CCDC91: variants seen among roughly 807,000 people sequenced by gnomAD.
The protein encoded by CCDC91 is coiled-coil domain-containing protein 91.
Under a neutral mutation model 63.2 loss-of-function variants are expected in CCDC91, and 48 were observed. The observed-to-expected ratio is 0.76, with a 90% CI of 0.60 to 0.97. CCDC91 has a LOEUF of 0.97. Ranked by LOEUF, CCDC91 falls within the 50% of genes least tolerant of loss-of-function variation. The pLI is 0.00. For missense variants in CCDC91, 500 were observed against 494.6 expected (o/e 1.01, Z -0.10); for synonymous variants, 167 against 165.8 (o/e 1.01, Z -0.06).
chr12:28,422,183 A>G (rs1356038795), intron 8 of CCDC91, among the ~76,000 whole-genome samples: 2 of 152,150 alleles, frequency 1.3e-5, no homozygotes, highest in African/African-American at 2.4e-5. Flanking sequence ...TGTCTTTAAC[A>G]TAGTATCCAA....
At chr12:28,404,022 A>C (rs546330435) in intron 8 of CCDC91, among the ~76,000 whole-genome samples, 3 of 151,570 alleles carry the variant, frequency 2.0e-5, no homozygotes, top group African/African-American at 7.3e-5. Context: ...AATTTCATTG[A>C]TTTCTGCTTC....
At chr12:28,305,919 C>A in intron 4 of CCDC91, 113 bp downstream of exon 4, 1 of 837,016 alleles carries the variant, frequency 1.2e-6, no homozygotes, top group South Asian at 1.9e-5. Flanking sequence ...AGAAGTATTT[C>A]TGCAATAGAT....
chr12:28,270,199 C>G (rs1461949570), intron 3 of CCDC91, among the ~76,000 whole-genome samples: 1 of 151,812 alleles, frequency 6.6e-6, no homozygotes, highest in Non-Finnish European at 1.5e-5. Flanking sequence ...AGTTAATGGA[C>G]CTTCCCAAGT....
Position 28,362,526 on chromosome 12 carries a change from G to C in CCDC91, c.654+11G>C, listed in dbSNP as rs772079702. 11 of 1,546,494 alleles carry C rather than the reference G, an allele frequency of 7.1e-6. No individual in the cohort carries two copies. In the Admixed American group the frequency reaches 1.2e-4, roughly 17 times the overall value. On this transcript the variant is annotated intron_variant, in intron 7 of 12. Transcript: ENST00000536442. ...GTGGATGAATATAAGGTAGAGGTTT[G>C]AGAGTGTTTACTTTTTTAAACCTTG...
intron 8 of CCDC91, 112 bp downstream of exon 8, chr12:28,391,523 G>A: frequency 1.7e-6 from 1 of 585,098 alleles, no homozygotes; most frequent in Non-Finnish European, 2.9e-6. Context: ...GTATTTTGGA[G>A]AAAAAATGTG....
chr12:28,236,435 G>T (rs1004721360), intron 1 of CCDC91: 3 of 151,340 alleles, frequency 2.0e-5, no homozygotes, highest in African/African-American at 7.3e-5. Context: ...TTAATTTTTT[G>T]GCTTGCATTA....
At chr12:28,445,537 T>A (rs1443376726) in intron 8 of CCDC91, among the ~76,000 whole-genome samples, 1 of 152,158 alleles carries the variant, frequency 6.6e-6, no homozygotes, top group Non-Finnish European at 1.5e-5. Flanking sequence ...CTGTGGGAAA[T>A]ACAAGCACTA....
At chr12:28,317,801 G>T (rs973463951) in intron 6 of CCDC91, among the ~76,000 whole-genome samples, 6 of 151,804 alleles carry the variant, frequency 4.0e-5, no homozygotes, top group Non-Finnish European at 7.4e-5. Context: ...CATATAACTT[G>T]TATTTGTACC....
chr12:28,472,469 T>A (rs372485941), intron 11 of CCDC91, among the ~76,000 whole-genome samples: 2 of 152,164 alleles, frequency 1.3e-5, no homozygotes, highest in East Asian at 3.8e-4. Context: ...ATTAAAAGTA[T>A]AATGGATTAC....
intron 6 of CCDC91, among the ~76,000 whole-genome samples, chr12:28,349,734 C>T (rs892890137): frequency 1.4e-4 from 22 of 152,096 alleles, no homozygotes; most frequent in Non-Finnish European, 4.4e-5. Context: ...AACTTTCACT[C>T]CTTTTCTTGT....
chr12:28,373,581 G>C (rs989577778), intron 7 of CCDC91, among the ~76,000 whole-genome samples: 1 of 151,198 alleles, frequency 6.6e-6, no homozygotes, highest in Non-Finnish European at 1.5e-5. Flanking sequence ...CTTTCTCCTC[G>C]TAACTGACAT....
At chr12:28,296,864 C>T (rs1439206297) in intron 3 of CCDC91, among the ~76,000 whole-genome samples, 1 of 151,788 alleles carries the variant, frequency 6.6e-6, no homozygotes, top group Admixed American at 6.6e-5. Flanking sequence ...AGTGATTTCC[C>T]TACATGAGTG....
At chr12:28,417,363 A>G (rs953439340) in intron 8 of CCDC91, among the ~76,000 whole-genome samples, 2 of 152,084 alleles carry the variant, frequency 1.3e-5, no homozygotes, top group African/African-American at 4.8e-5. Flanking sequence ...ATATAAAACA[A>G]TTCTGTTACC....
At chr12:28,249,428 G>A (rs1010809327) in intron 1 of CCDC91, among the ~76,000 whole-genome samples, 2 of 152,132 alleles carry the variant, frequency 1.3e-5, no homozygotes, top group African/African-American at 2.4e-5. Context: ...TTAAAACCTG[G>A]CTTGGGCCTA....
rs1479816351 is a variant in CCDC91 at position 28,352,724 on chromosome 12, A to G, written c.577-9714A>G. ...TAGTTCTCAACAATGGTCTTAAAAT[A>G]TTTGGTAAACCATACCGTAAACAGA... On this transcript the variant is annotated intron_variant, in intron 6 of 12. Coordinates refer to ENST00000536442, the MANE Select transcript of CCDC91 (RefSeq NM_018318.5). Among the ~76,000 whole-genome samples, 13 of 152,236 alleles carry G rather than the reference A, an allele frequency of 8.5e-5. 1 individual carries two copies. The highest frequency in any genetic ancestry group is 7.2e-4 in the Admixed American group (11 of 15,284).
At chr12:28,288,522 A>G (rs1363561963) in intron 3 of CCDC91, among the ~76,000 whole-genome samples, 1 of 152,254 alleles carries the variant, frequency 6.6e-6, no homozygotes, top group Admixed American at 6.5e-5. Flanking sequence ...AGAATGTTGA[A>G]CCAACCTTGC....
chr12:28,474,085 T>C (rs568227601), intron 11 of CCDC91, among the ~76,000 whole-genome samples: 1 of 152,186 alleles, frequency 6.6e-6, no homozygotes, highest in East Asian at 1.9e-4. Context: ...TTGTGATGAG[T>C]GCTTACTCTG....
chr12:28,485,161 T>G (rs1480738908), intron 12 of CCDC91, among the ~76,000 whole-genome samples: 1 of 150,618 alleles, frequency 6.6e-6, no homozygotes, highest in Non-Finnish European at 1.5e-5. Flanking sequence ...TATACTTTTT[T>G]TTTTTGTTTT....
At chr12:28,409,276 C>A (rs1452410039) in intron 8 of CCDC91, among the ~76,000 whole-genome samples, 1 of 151,938 alleles carries the variant, frequency 6.6e-6, no homozygotes, top group African/African-American at 2.4e-5. Context: ...AGTTTTTATT[C>A]CAGGAAAAAA....
Sources: gnomAD v4.1 joint callset for allele counts (sites outside exome capture counted in the v4.1 genomes callset) on GRCh38, gnomAD v4.1.1 for gene constraint, MANE v1.5 for transcripts, NCBI Gene and HGNC (gene_info 2026-07-23, HGNC 2026-07-21) for gene names.